The following MBD5 variants were observed in gnomAD, a reference collection of about 807,000 sequenced individuals.
The protein encoded by MBD5 is methyl-CpG binding domain protein 5, also known as methyl-CpG-binding domain protein 5.
A neutral mutation model predicts 117.3 loss-of-function variants in MBD5; 13 were observed. The observed-to-expected ratio is 0.11, with a 90% confidence interval of 0.07 to 0.18. MBD5 has a LOEUF of 0.18. MBD5 is among the 10% of genes least tolerant of loss of function. MBD5 has a pLI of 1.00. For missense variants in MBD5, 1,879 were observed against 2,093.8 expected (o/e 0.90, Z 2.00); for synonymous variants, 727 against 766.4 (o/e 0.95, Z 0.85).
At chr2:148,348,843 C>T (rs1041086397) in intron 4 of MBD5, among the ~76,000 whole-genome samples, 1 of 151,906 alleles carries the variant, frequency 6.6e-6, no homozygotes. Context: ...TCCTATCTTG[C>T]TCACAGTTCA....
At chr2:148,195,702 C>G (rs369223273) in intron 2 of MBD5, among the ~76,000 whole-genome samples, 1 of 152,048 alleles carries the variant, frequency 6.6e-6, no homozygotes, top group African/African-American at 2.4e-5. Context: ...AGTATGTTCT[C>G]TGAACAAAAC....
At position 148,458,841 on chromosome 2, in the gene MBD5, G is replaced by A. The variant is rs201699340; in HGVS notation, c.83G>A (p.Arg28His). ...AIQVPVGWQR[R>H]VDQNGVLYVS... ...CAAGTTCCTGTGGGTTGGCAGCGTC[G>A]TGTGGATCAAAATGGAGTGCTTTAT... The change falls in exon 5 of 14, where the codon CGT (arginine) becomes CAT (histidine). Residue 28 changes from arginine (R) to histidine (H), a missense_variant. By Grantham distance (29) the Arg-to-His change is conservative. This residue lies in a region of MBD5 where 71 missense variants were observed against 129.2 expected (regional missense o/e 0.55). Transcript: ENST00000642680. 19 of 1,613,498 alleles carry A rather than the reference G, an allele frequency of 1.2e-5. No individual in the cohort carries two copies. The highest frequency in any genetic ancestry group is 5.5e-5 in the South Asian group (5 of 91,090).
chr2:148,224,762 A>G (rs1488227090), intron 2 of MBD5, among the ~76,000 whole-genome samples: 1 of 149,136 alleles, frequency 6.7e-6, no homozygotes, highest in East Asian at 1.9e-4. Context: ...TATGTATTTA[A>G]AATTGTTTTG....
chr2:148,278,093 C>T (rs542482923), intron 3 of MBD5, among the ~76,000 whole-genome samples: 4 of 152,240 alleles, frequency 2.6e-5, no homozygotes, highest in African/African-American at 9.6e-5. Context: ...TGTTTTCTGT[C>T]GCTGTAGTTT....
rs1484843844 is a variant in MBD5 at position 148,469,087 on chromosome 2, C to T, written c.1144C>T (p.His382Tyr). Residue 382 changes from histidine (H) to tyrosine (Y), a missense_variant, in exon 8 of 14, where the codon CAT becomes TAT. His to Tyr is a moderately conservative substitution (Grantham distance 83, BLOSUM62 2). Around this residue, in one of 4 missense-constraint regions of MBD5, gnomAD observed 1,666 missense variants for 1,792.2 expected, o/e 0.93. Coordinates refer to ENST00000642680, the MANE Select transcript of MBD5 (RefSeq NM_001378120.1). The stretch of plus-strand genomic sequence containing the variant: ...TGTTATCATTAATCCAACCAGTTTC[C>T]ATTCAAATGTCCACTCTCAGGTACC... ...NPVIINPTSFHSNVHSQVPMM... is the reference protein window; with the variant it reads ...NPVIINPTSFYSNVHSQVPMM... 2 of 1,614,042 alleles carry T rather than the reference C, an allele frequency of 1.2e-6. No individual in the cohort carries two copies. Among genetic ancestry groups the T allele is most frequent in the South Asian group, 2.2e-5 (2 of 91,080 alleles).
chr2:148,077,029 G>T (rs1440818195), intron 1 of MBD5, among the ~76,000 whole-genome samples: 2 of 152,184 alleles, frequency 1.3e-5, no homozygotes, highest in African/African-American at 2.4e-5. Context: ...ATGCAACAGA[G>T]ACTGTTAAGT....
At chr2:148,512,620 T>C (rs1352759122) in intron 13 of MBD5, among the ~76,000 whole-genome samples, 1 of 152,350 alleles carries the variant, frequency 6.6e-6, no homozygotes, top group East Asian at 1.9e-4. Context: ...ATCCTTTGTT[T>C]TCCACTGTCT....
chr2:148,407,348 G>C (rs1705112619), intron 4 of MBD5, among the ~76,000 whole-genome samples: 2 of 151,720 alleles, frequency 1.3e-5, no homozygotes, highest in South Asian at 4.2e-4. Context: ...GAGTGTGTGT[G>C]TGTGTGTGTG....
chr2:148,362,936 G>A (rs765298294), intron 4 of MBD5, among the ~76,000 whole-genome samples: 12 of 152,148 alleles, frequency 7.9e-5, no homozygotes, highest in Non-Finnish European at 1.5e-4. Flanking sequence ...GAAAGGAATA[G>A]CATCAACATC....
chr2:148,202,094 T>G (rs563653304), intron 2 of MBD5, among the ~76,000 whole-genome samples: 2 of 152,356 alleles, frequency 1.3e-5, no homozygotes, highest in South Asian at 4.1e-4. Flanking sequence ...GACTGCCTCC[T>G]GCCACTATCA....
At chr2:148,198,519 C>A (rs1699052954) in intron 2 of MBD5, among the ~76,000 whole-genome samples, 1 of 152,030 alleles carries the variant, frequency 6.6e-6, no homozygotes, top group African/African-American at 2.4e-5. Flanking sequence ...TCTAGGTTTT[C>A]TCCTATAGAT....
chr2:148,206,484 C>G (rs1419922492), intron 2 of MBD5, among the ~76,000 whole-genome samples: 1 of 152,050 alleles, frequency 6.6e-6, no homozygotes, highest in Non-Finnish European at 1.5e-5. Flanking sequence ...CATTTCAAAC[C>G]TTCTCTTCTA....
chr2:148,197,802 T>TTTG (rs1553483824), intron 2 of MBD5, among the ~76,000 whole-genome samples: 4 of 131,570 alleles, frequency 3.0e-5, no homozygotes, highest in South Asian at 5.0e-4. Context: ...AGGTTTTTTT[T>TTTG]TTTGTTTTTT....
Position 148,470,224 on chromosome 2 carries a change from T to C in MBD5, c.2281T>C (p.Cys761Arg). ...ACCTTTAAGAGGGGAAGCCGTGCACTGCCACAATGCAAACACTAACTTTGT... is the reference window on the plus strand; with the variant it reads ...ACCTTTAAGAGGGGAAGCCGTGCACCGCCACAATGCAAACACTAACTTTGT... ...NIPLRGEAVH[C>R]HNANTNFVHS... Residue 761 changes from cysteine to arginine, a missense_variant, in exon 8 of 14, where the codon TGC becomes CGC. Physicochemically the swap from Cys to Arg is radical, Grantham distance 180. This residue lies in a region of MBD5 where 1,666 missense variants were observed against 1,792.2 expected (regional missense o/e 0.93). Transcript: ENST00000642680. 1 of 1,613,992 alleles carries C rather than the reference T, an allele frequency of 6.2e-7. No homozygotes were observed. The highest frequency in any genetic ancestry group is 8.5e-7 in the Non-Finnish European group (1 of 1,179,906).
At chr2:148,234,381 A>C (rs1267497499) in intron 3 of MBD5, among the ~76,000 whole-genome samples, 2 of 152,144 alleles carry the variant, frequency 1.3e-5, no homozygotes, top group African/African-American at 2.4e-5. Context: ...GACAATGATA[A>C]ATGTTTAAAA....
chr2:148,236,964 T>A (rs1700104984), intron 3 of MBD5, among the ~76,000 whole-genome samples: 1 of 152,222 alleles, frequency 6.6e-6, no homozygotes, highest in Non-Finnish European at 1.5e-5. Context: ...CACTTTGTAC[T>A]TCTATGTTGT....
At chr2:148,129,308 ACATGGTGAAACCCTGT>A (rs1696978830) in intron 1 of MBD5, among the ~76,000 whole-genome samples, 1 of 152,112 alleles carries the variant, frequency 6.6e-6, no homozygotes, top group Non-Finnish European at 1.5e-5. Flanking sequence ...ACCGTGGCCA[ACATGGTGAAACCCTGT>A]CTCTACTAAA....
chr2:148,416,451 C>T (rs578055725), intron 4 of MBD5, among the ~76,000 whole-genome samples: 42 of 152,292 alleles, frequency 2.8e-4, no homozygotes, highest in African/African-American at 1.0e-3. Context: ...ATGCCAGCAA[C>T]CATGGCAGTG....
At chr2:148,164,329 AAT>A (rs1448416429) in intron 1 of MBD5, among the ~76,000 whole-genome samples, 3 of 152,042 alleles carry the variant, frequency 2.0e-5, no homozygotes, top group African/African-American at 7.2e-5. Context: ...TGGATGCCAG[AAT>A]ACTAGAGGAT....
Sources: allele counts gnomAD v4.1 joint callset (sites outside exome capture counted in the v4.1 genomes callset), GRCh38; gene constraint gnomAD v4.1.1; regional missense constraint gnomAD v4.1.1; transcripts MANE v1.5; gene names NCBI Gene and HGNC (gene_info 2026-07-23, HGNC 2026-07-21).